The following SLC30A6 variants were observed in gnomAD, a reference collection of about 807,000 sequenced individuals.
SLC30A6 encodes zinc transporter 6.
Under a neutral mutation model 63.0 loss-of-function variants are expected in SLC30A6, and 55 were observed. The ratio of observed to expected loss-of-function variants is 0.87; its 90% CI spans 0.70 to 1.09. The LOEUF (loss-of-function observed/expected upper bound fraction) is 1.09. SLC30A6 is among the 50% of genes least tolerant of loss of function. The pLI is 0.00. For synonymous variants in SLC30A6, 224 were observed against 186.1 expected (o/e 1.20, Z -1.66); for missense variants, 587 against 549.2 (o/e 1.07, Z -0.69).
chr2:32,194,608 A>G (rs749990460), intron 8 of SLC30A6, among the ~76,000 whole-genome samples: 3 of 152,222 alleles, frequency 2.0e-5, no homozygotes, highest in Non-Finnish European at 2.9e-5. Context: ...TGAGGTGAAA[A>G]TAGAAGTGGG....
intron 5 of SLC30A6, among the ~76,000 whole-genome samples, chr2:32,190,128 C>T (rs1234418463): frequency 1.3e-5 from 2 of 151,874 alleles, no homozygotes; most frequent in African/African-American, 4.8e-5. Flanking sequence ...CTTAGTTGCC[C>T]TTCTTTCTCT....
chr2:32,181,484 A>G (rs1682302920), intron 4 of SLC30A6, among the ~76,000 whole-genome samples: 1 of 152,194 alleles, frequency 6.6e-6, no homozygotes, highest in Admixed American at 6.5e-5. Context: ...TCAAAAGTTA[A>G]TATTTAGACA....
intron 13 of SLC30A6, among the ~76,000 whole-genome samples, chr2:32,211,505 C>CTGGATGCCCAAAAGATTTTTT (rs1312586068): frequency 3.3e-5 from 5 of 152,014 alleles, no homozygotes; most frequent in Non-Finnish European, 1.5e-5. Context: ...GTCTTTTTGC[C>CTGGATGCCCAAAAGATTTTTT]TGGATGCCCA....
chr2:32,186,091 G>A (rs557057375), intron 5 of SLC30A6, among the ~76,000 whole-genome samples: 1 of 152,180 alleles, frequency 6.6e-6, no homozygotes, highest in Admixed American at 6.6e-5. Flanking sequence ...CTGAAGTGAA[G>A]TGGTGTGATC....
At chr2:32,193,274 G>A (rs1178312465) in intron 7 of SLC30A6, among the ~76,000 whole-genome samples, 1 of 151,996 alleles carries the variant, frequency 6.6e-6, no homozygotes, top group Non-Finnish European at 1.5e-5. Flanking sequence ...TCTTTGCATA[G>A]CACCTGTAGA....
chr2:32,182,612 C>G (rs1489708140), intron 4 of SLC30A6, among the ~76,000 whole-genome samples: 2 of 152,182 alleles, frequency 1.3e-5, no homozygotes, highest in African/African-American at 4.8e-5. Flanking sequence ...TCTCTCATCT[C>G]TGTTCCCTGT....
At chr2:32,190,474 A>G (rs984150584) in intron 5 of SLC30A6, among the ~76,000 whole-genome samples, 2 of 148,484 alleles carry the variant, frequency 1.3e-5, no homozygotes, top group Non-Finnish European at 3.0e-5. Flanking sequence ...AAAAAAAAAA[A>G]GTTTTAAATT....
chr2:32,216,883 A>G (rs1239210370), intron 13 of SLC30A6, among the ~76,000 whole-genome samples: 1 of 150,104 alleles, frequency 6.7e-6, no homozygotes, highest in Non-Finnish European at 1.5e-5. Context: ...AGATTCTTAC[A>G]GTTTTGAGGT....
chr2:32,224,314 G>A lies in SLC30A6; in HGVS notation c.*3601G>A. The A allele has an allele frequency of 1.8e-6, 1 of 567,240 alleles. No homozygotes were observed. Among genetic ancestry groups the A allele is most frequent in the East Asian group, 2.9e-5 (1 of 34,502 alleles). The allele number at this position is 567,240 out of a possible 1,614,324, so 35.1% of individuals were successfully genotyped here. Reference sequence around the variant, plus strand: ...TTCAAGGCGCCGATAATCCTAGTAGGAGAGCTAAGACACAAAACTGTTGCA... The same window carrying A: ...TTCAAGGCGCCGATAATCCTAGTAGAAGAGCTAAGACACAAAACTGTTGCA... On this transcript the variant is annotated 3_prime_UTR_variant, in exon 14 of 14. Transcript: ENST00000282587.
intron 10 of SLC30A6, among the ~76,000 whole-genome samples, chr2:32,201,262 AGCTTG>A (rs1241450844): frequency 6.6e-6 from 1 of 152,252 alleles, no homozygotes; most frequent in Non-Finnish European, 1.5e-5. Context: ...GTGCACAATC[AGCTTG>A]TAATTATTGG....
At position 32,192,325 on chromosome 2, in the gene SLC30A6, T is replaced by C; in HGVS notation, c.285-11T>C. 1 of 1,613,116 alleles carries C rather than the reference T, an allele frequency of 6.2e-7. No homozygotes were observed. Among genetic ancestry groups the C allele is most frequent in the Non-Finnish European group, 8.5e-7 (1 of 1,179,142 alleles). On this transcript the variant is annotated splice_polypyrimidine_tract_variant and intron_variant, in intron 5 of 13. Transcript: ENST00000282587. ...AGAATTGTGATGATCTAATTAATGTTTTGGTTTCAGGTTTGAAAGATTAGA... is the reference window on the plus strand; with the variant it reads ...AGAATTGTGATGATCTAATTAATGTCTTGGTTTCAGGTTTGAAAGATTAGA...
chr2:32,193,345 C>G (rs376318817), intron 7 of SLC30A6, among the ~76,000 whole-genome samples: 16 of 151,952 alleles, frequency 1.1e-4, no homozygotes, highest in Non-Finnish European at 2.4e-4. Context: ...GAGGCTAAGG[C>G]AGGAGGATCG....
chr2:32,198,507 A>G (rs1359031231), intron 10 of SLC30A6, among the ~76,000 whole-genome samples: 1 of 152,156 alleles, frequency 6.6e-6, no homozygotes, highest in Non-Finnish European at 1.5e-5. Context: ...ATCTCAGTGA[A>G]TGGGAGATAC....
At chr2:32,190,555 G>A (rs952721697) in intron 5 of SLC30A6, among the ~76,000 whole-genome samples, 1 of 152,070 alleles carries the variant, frequency 6.6e-6, no homozygotes, top group Non-Finnish European at 1.5e-5. Context: ...AGGTCAGAAA[G>A]ACACTTTGTT....
At chr2:32,194,402 G>A (rs1573338525) in intron 8 of SLC30A6, among the ~76,000 whole-genome samples, 2 of 152,178 alleles carry the variant, frequency 1.3e-5, no homozygotes, top group South Asian at 4.1e-4. Flanking sequence ...CTTCTCTTTG[G>A]CAATGGTGGA....
At chr2:32,202,029 A>T in intron 10 of SLC30A6, 1 of 1,127,552 alleles carries the variant, frequency 8.9e-7, no homozygotes, top group South Asian at 1.4e-5. Flanking sequence ...ATATGAAAAA[A>T]AAAAAGCAAG....
intron 13 of SLC30A6, among the ~76,000 whole-genome samples, chr2:32,210,082 A>G (rs1320250434): frequency 1.3e-5 from 2 of 152,334 alleles, no homozygotes; most frequent in South Asian, 4.1e-4. Context: ...TACCAGAGAG[A>G]CTTTATTATG....
In SLC30A6 at chr2:32,223,704, T is replaced by G. The variant is rs565196758; in HGVS notation, c.*2991T>G. ...GCCTAACACCATTTAGGTTTTTGTG[T>G]TTTTTTCAGGCTTGCCTCTACTTAA... On this transcript the variant is annotated 3_prime_UTR_variant, in exon 14 of 14. Transcript: ENST00000282587. The G allele has an allele frequency of 1.6e-4, 24 of 152,298 alleles. No homozygotes were observed. Among genetic ancestry groups the G allele is most frequent in the African/African-American group, 5.1e-4 (21 of 41,572 alleles). 9.4% of individuals were successfully genotyped at this position (152,298 alleles called of 1,614,324 possible).
chr2:32,207,257 C>T (rs1295589021), intron 12 of SLC30A6, among the ~76,000 whole-genome samples: 1 of 151,996 alleles, frequency 6.6e-6, no homozygotes, highest in Admixed American at 6.6e-5. Context: ...TGTTGCCAGG[C>T]TGTAGTGCAG....
Sources: gnomAD v4.1 joint callset for allele counts (sites outside exome capture counted in the v4.1 genomes callset) on GRCh38, gnomAD v4.1.1 for gene constraint, MANE v1.5 for transcripts, NCBI Gene and HGNC (gene_info 2026-07-23, HGNC 2026-07-21) for gene names.